MPDZ: variants seen among roughly 807,000 people sequenced by gnomAD.
MPDZ encodes the protein multiple PDZ domain protein.
A neutral mutation model predicts 239.1 loss-of-function variants in MPDZ; 234 were observed. That is an observed-to-expected ratio of 0.98 (90% CI 0.88 to 1.09). The LOEUF is 1.09. MPDZ is among the 50% of genes least tolerant of loss of function. The pLI, the probability that MPDZ is intolerant of heterozygous loss-of-function variation, is 0.00. For synonymous variants in MPDZ, 1,048 were observed against 881.3 expected, an observed-to-expected ratio of 1.19 and a Z score of -3.35; for missense variants, 3,175 against 2,510.0, an observed-to-expected ratio of 1.26 and a Z score of -5.66.
At chr9:13,128,260 T>G (rs971365006) in intron 32 of MPDZ, among the ~76,000 whole-genome samples, 3 of 152,228 alleles carry the variant, frequency 2.0e-5, no homozygotes, top group Non-Finnish European at 4.4e-5. Context: ...TAATGGTGTA[T>G]AATTTCACAG....
intron 1 of MPDZ, among the ~76,000 whole-genome samples, chr9:13,267,971 AAGTCTGAGTCACTTTCCTTGTGACTC>A (rs1345747322): frequency 6.6e-6 from 1 of 152,146 alleles, no homozygotes; most frequent in Non-Finnish European, 1.5e-5. Flanking sequence ...CAGAGTCATT[AAGTCTGAGTCACTTTCCTTGTGACTC>A]AGTTGTCAAA....
chr9:13,233,981 C>T (rs1195457152), intron 3 of MPDZ, among the ~76,000 whole-genome samples: 1 of 152,084 alleles, frequency 6.6e-6, no homozygotes, highest in Non-Finnish European at 1.5e-5. Flanking sequence ...AAAGATGAAT[C>T]CTCAACAAAC....
intron 24 of MPDZ, among the ~76,000 whole-genome samples, chr9:13,151,972 G>T (rs1168339761): frequency 6.6e-6 from 1 of 152,042 alleles, no homozygotes. Context: ...AAAATGATTT[G>T]TTATAAGTAA....
chr9:13,175,886 GA>G lies in MPDZ; in HGVS notation c.2932-12del. On this transcript the variant is annotated splice_polypyrimidine_tract_variant and intron_variant, in intron 20 of 46. Transcript: ENST00000319217. ...CAGGTACTCAGAGCCCTTTAAGAAA[GA>G]AAAAGAAGTCACAAGTCACATGGAA... 6.3e-7 allele frequency: 1 copy of G among 1,577,648 alleles called. No homozygotes were observed. Among genetic ancestry groups the G allele is most frequent in the Non-Finnish European group, 8.6e-7 (1 of 1,164,780 alleles).
rs2132851211 is a variant in MPDZ at position 13,147,634 on chromosome 9, C to T, written c.3655G>A (p.Ala1219Thr). 2 of 1,612,146 alleles carry T rather than the reference C, an allele frequency of 1.2e-6. No homozygotes were observed. Among genetic ancestry groups the T allele is most frequent in the Middle Eastern group, 1.7e-4 (1 of 6,046 alleles). ...VEVDGMDLRD[A>T]SHEQAVEAIR... ...GCTTCCACAGCTTGTTCATGGCTTG[C>T]ATCTCTGAGGTCCATTCCATCCACC... Residue 1219 changes from alanine (A) to threonine (T), a missense_variant, in exon 26 of 47, where the codon GCA becomes ACA. Coordinates refer to ENST00000319217, the MANE Select transcript of MPDZ (RefSeq NM_001378778.1).
At chr9:13,112,168 ATT>A in intron 42 of MPDZ, 22 bp from the exon 43 acceptor site, 6 of 1,589,908 alleles carry the variant, frequency 3.8e-6, no homozygotes, top group Non-Finnish European at 5.1e-6. Context: ...CAGATATAAA[ATT>A]TTGGTCAAAG....
chr9:13,153,188 G>C (rs1197156242), intron 24 of MPDZ, among the ~76,000 whole-genome samples: 2 of 152,074 alleles, frequency 1.3e-5, no homozygotes, highest in South Asian at 4.2e-4. Flanking sequence ...ACCACAAAGA[G>C]GAAAGGATGG....
chr9:13,208,679 A>AAT (rs1393149327), intron 10 of MPDZ, among the ~76,000 whole-genome samples: 3 of 149,338 alleles, frequency 2.0e-5, no homozygotes, highest in Non-Finnish European at 4.4e-5. Flanking sequence ...ATATATATAT[A>AAT]ATATATATAA....
intron 19 of MPDZ, among the ~76,000 whole-genome samples, 164 bp from the exon 20 acceptor site, chr9:13,176,581 T>C (rs1422632532): frequency 1.3e-5 from 2 of 152,214 alleles, no homozygotes; most frequent in African/African-American, 4.8e-5. Context: ...ACTTAGCAGA[T>C]TTTCTGCATA....
chr9:13,149,783 T>C (rs1948910299), intron 25 of MPDZ, among the ~76,000 whole-genome samples: 3 of 152,020 alleles, frequency 2.0e-5, no homozygotes, highest in Non-Finnish European at 4.4e-5. Context: ...ACACACAACT[T>C]GACATGCTTC....
At chr9:13,253,116 G>A (rs1011603853) in intron 1 of MPDZ, among the ~76,000 whole-genome samples, 7 of 151,952 alleles carry the variant, frequency 4.6e-5, no homozygotes, top group African/African-American at 1.7e-4. Context: ...AGAAAGTACA[G>A]CGTAGGCAGT....
chr9:13,126,157 A>G (rs1319118445), intron 34 of MPDZ, among the ~76,000 whole-genome samples: 1 of 152,240 alleles, frequency 6.6e-6, no homozygotes, highest in Non-Finnish European at 1.5e-5. Flanking sequence ...GAGTCTTACA[A>G]TCTGTTTATA....
At chr9:13,209,644 T>C (rs1957385021) in intron 10 of MPDZ, among the ~76,000 whole-genome samples, 2 of 152,186 alleles carry the variant, frequency 1.3e-5, no homozygotes, top group Admixed American at 1.3e-4. Flanking sequence ...TATGAAGTTG[T>C]TATTGCAGTG....
chr9:13,278,440 C>G (rs1361813606), intron 1 of MPDZ, among the ~76,000 whole-genome samples: 1 of 152,138 alleles, frequency 6.6e-6, no homozygotes, highest in Non-Finnish European at 1.5e-5. Context: ...CACTTCTCCT[C>G]CCCCGCAGTC....
At chr9:13,205,839 G>C in intron 11 of MPDZ, 77 bp downstream of exon 11, 1 of 1,288,832 alleles carries the variant, frequency 7.8e-7, no homozygotes, top group African/African-American at 1.5e-5. Flanking sequence ...TTCTGAAATA[G>C]TAAGTTACTT....
intron 23 of MPDZ, among the ~76,000 whole-genome samples, chr9:13,162,393 T>C (rs1950591371): frequency 6.6e-6 from 1 of 152,046 alleles, no homozygotes; most frequent in Admixed American, 6.6e-5. Context: ...TCTAAGAAAT[T>C]AATGGAATAA....
intron 22 of MPDZ, chr9:13,165,461 G>A (rs1563941011): frequency 6.5e-7 from 1 of 1,545,146 alleles, no homozygotes; most frequent in East Asian, 2.4e-5. Flanking sequence ...GTTAACAAAT[G>A]TCAATGTCTT....
At chr9:13,200,505 T>TA (rs1407471531) in intron 12 of MPDZ, among the ~76,000 whole-genome samples, 1 of 152,076 alleles carries the variant, frequency 6.6e-6, no homozygotes, top group Non-Finnish European at 1.5e-5. Context: ...GGTTCATAAT[T>TA]AGTTTGTTTA....
intron 41 of MPDZ, among the ~76,000 whole-genome samples, 161 bp from the exon 42 acceptor site, chr9:13,113,215 C>T (rs765006530): frequency 1.3e-5 from 2 of 152,042 alleles, no homozygotes; most frequent in Non-Finnish European, 2.9e-5. Context: ...CTGTCTTACA[C>T]AGAACTATTT....
Sources: allele counts gnomAD v4.1 joint callset (sites outside exome capture counted in the v4.1 genomes callset), GRCh38; gene constraint gnomAD v4.1.1; transcripts MANE v1.5; gene names NCBI Gene and HGNC (gene_info 2026-07-23, HGNC 2026-07-21).